The following KALRN variants were observed in gnomAD, a reference collection of about 807,000 sequenced individuals.
The protein encoded by KALRN is kalirin.
In KALRN, 70 loss-of-function variants were observed where a neutral mutation model predicts 353.7. That is an observed-to-expected ratio of 0.20 (90% CI 0.16 to 0.24). The LOEUF (loss-of-function observed/expected upper bound fraction) is 0.24. Ranked by LOEUF, KALRN falls within the 10% of genes least tolerant of loss-of-function variation. The pLI, the probability that KALRN is intolerant of heterozygous loss-of-function variation, is 1.00. For synonymous variants in KALRN, 1,391 were observed against 1,434.8 expected, an observed-to-expected ratio of 0.97 and a Z score of 0.69; for missense variants, 2,791 against 3,756.7, an observed-to-expected ratio of 0.74 and a Z score of 6.72.
chr3:124,269,209 T>C lies in KALRN; in HGVS notation c.923T>C (p.Leu308Pro). 1 of 1,607,820 alleles carries C rather than the reference T, an allele frequency of 6.2e-7. No homozygotes were observed. The highest frequency in any genetic ancestry group is 8.5e-7 in the Non-Finnish European group (1 of 1,175,324). ...ATGTGGCATGTGCGCAAGCTCAAGC[T>C]GGACCAGTGCTTTCAGCTGCGGCTC... ...HQMWHVRKLK[L>P]DQCFQLRLFE... Residue 308 changes from leucine (L) to proline (P), a missense_variant, in exon 5 of 60, where the codon CTG becomes CCG. Leu to Pro is a moderately conservative substitution (Grantham distance 98). Transcript: ENST00000682506.
intron 1 of KALRN, 66 bp from the exon 2 acceptor site, chr3:124,227,924 T>C: frequency 7.9e-7 from 1 of 1,267,060 alleles, no homozygotes; most frequent in Non-Finnish European, 1.2e-6. Context: ...AGACTGAGGA[T>C]GGGACCTTGC....
intron 26 of KALRN, among the ~76,000 whole-genome samples, chr3:124,476,021 A>G (rs768930420): frequency 7.9e-5 from 12 of 151,862 alleles, no homozygotes; most frequent in Non-Finnish European, 1.6e-4. Context: ...GATTTCCTTT[A>G]CAATCAGTCA....
chr3:124,333,765 G>A (rs543495628), intron 8 of KALRN, among the ~76,000 whole-genome samples: 7 of 152,240 alleles, frequency 4.6e-5, no homozygotes, highest in Admixed American at 4.6e-4. Context: ...GCAGGCACCT[G>A]TAATCCCAGC....
intron 3 of KALRN, among the ~76,000 whole-genome samples, chr3:124,255,213 G>C (rs974616696): frequency 5.3e-5 from 8 of 152,088 alleles, no homozygotes; most frequent in Non-Finnish European, 8.8e-5. Context: ...CCAAGTGCTG[G>C]GATTACAGGC....
intron 33 of KALRN, among the ~76,000 whole-genome samples, chr3:124,513,129 T>C (rs1178053510): frequency 1.3e-5 from 2 of 151,952 alleles, no homozygotes; most frequent in African/African-American, 4.8e-5. Flanking sequence ...TGTTTGGTTG[T>C]GAAGGTCAGG....
chr3:124,536,196 CTTTTTTT>C (rs34435871), intron 33 of KALRN, among the ~76,000 whole-genome samples: 1 of 99,124 alleles, frequency 1.0e-5, no homozygotes, highest in African/African-American at 4.3e-5. Context: ...CATCCATACT[CTTTTTTT>C]TTTTTTTTTT....
chr3:124,067,513 C>T (rs1295993078), intron 1 of KALRN, among the ~76,000 whole-genome samples: 1 of 152,032 alleles, frequency 6.6e-6, no homozygotes, highest in East Asian at 1.9e-4. Context: ...CAAAACCACC[C>T]CCAACAAACA....
At chr3:124,193,270 TCCTCAG>T (rs2075116692) in intron 1 of KALRN, among the ~76,000 whole-genome samples, 1 of 152,086 alleles carries the variant, frequency 6.6e-6, no homozygotes, top group African/African-American at 2.4e-5. Flanking sequence ...GGAGTATCCT[TCCTCAG>T]CCTCTCTCAC....
rs562026722 is a variant in KALRN, at chr3:124,591,932, A to C, written c.5182+28843A>C. 2.0e-5 allele frequency among the ~76,000 whole-genome samples: 3 copies of C among 152,328 alleles called. No individual in the cohort carries two copies. In the South Asian group the frequency reaches 6.2e-4, roughly 32 times the overall value. On this transcript the variant is annotated intron_variant, in intron 34 of 59. Coordinates refer to ENST00000682506, the MANE Select transcript of KALRN (RefSeq NM_001388419.1). ...AATTTCCTTTTTAAAAAACTTAATT[A>C]GACCAATAAAAAACCACATAACACT...
intron 34 of KALRN, among the ~76,000 whole-genome samples, chr3:124,624,683 C>A (rs2079727674): frequency 7.4e-6 from 1 of 135,634 alleles, no homozygotes; most frequent in East Asian, 2.4e-4. Context: ...CTGAGGGATA[C>A]CCCTGTAGAT....
chr3:124,255,441 C>G (rs570414809), intron 3 of KALRN, among the ~76,000 whole-genome samples: 2 of 152,258 alleles, frequency 1.3e-5, no homozygotes, highest in Non-Finnish European at 2.9e-5. Flanking sequence ...TTATATATAC[C>G]TGGTGCCTGG....
At position 124,326,165 on chromosome 3, in the gene KALRN, T is replaced by A; in HGVS notation, c.1278T>A (p.Ala426=). The A allele has an allele frequency of 6.2e-7, 1 of 1,610,846 alleles. No homozygotes were observed. The highest frequency in any genetic ancestry group is 8.5e-7 in the Non-Finnish European group (1 of 1,178,296). ...LAMSAVFHQK[A]EQFLSGVDAW... ...TGTCTGCTGTGTTCCACCAGAAGGC[T>A]GAGCAGGTAAGGTGCAGAAACCTGC... Residue 426 remains alanine (A), a synonymous_variant, in exon 7 of 60, where the codon GCT becomes GCA. Coordinates refer to ENST00000682506, the MANE Select transcript of KALRN (RefSeq NM_001388419.1).
At chr3:124,221,286 C>T (rs2077878612) in intron 1 of KALRN, among the ~76,000 whole-genome samples, 1 of 152,226 alleles carries the variant, frequency 6.6e-6, no homozygotes, top group Admixed American at 6.5e-5. Flanking sequence ...TGAAGATCAT[C>T]TTCTCTGTGG....
intron 34 of KALRN, among the ~76,000 whole-genome samples, chr3:124,623,091 C>T (rs1436071473): frequency 6.6e-6 from 1 of 151,368 alleles, no homozygotes; most frequent in Non-Finnish European, 1.5e-5. Context: ...CTTTCTTTGT[C>T]TCTCTCTTTT....
intron 5 of KALRN, among the ~76,000 whole-genome samples, chr3:124,281,383 G>A (rs1431689858): frequency 2.6e-5 from 4 of 152,200 alleles, no homozygotes; most frequent in African/African-American, 7.2e-5. Context: ...CTGGGGAGGT[G>A]ACCTTGTCAT....
chr3:124,207,880 G>C (rs1205781881), intron 1 of KALRN, among the ~76,000 whole-genome samples: 1 of 152,228 alleles, frequency 6.6e-6, no homozygotes, highest in Non-Finnish European at 1.5e-5. Flanking sequence ...CAGGCCTTGG[G>C]AAGGCAGGAG....
chr3:124,627,703 T>C (rs1449347511), intron 34 of KALRN, among the ~76,000 whole-genome samples: 1 of 152,240 alleles, frequency 6.6e-6, no homozygotes, highest in Non-Finnish European at 1.5e-5. Context: ...GAGGCCCTGC[T>C]TCTATTACCA....
At chr3:124,623,675 G>T (rs2149716650) in intron 34 of KALRN, among the ~76,000 whole-genome samples, 1 of 152,296 alleles carries the variant, frequency 6.6e-6, no homozygotes, top group Admixed American at 6.5e-5. Flanking sequence ...TGCCCACCCA[G>T]AGTAAGGGTG....
intron 57 of KALRN, among the ~76,000 whole-genome samples, chr3:124,709,012 G>A (rs2062768974): frequency 6.6e-6 from 1 of 152,040 alleles, no homozygotes; most frequent in Non-Finnish European, 1.5e-5. Context: ...TGGCCACCAA[G>A]AATTCTAAAT....
Sources: allele counts gnomAD v4.1 joint callset (sites outside exome capture counted in the v4.1 genomes callset), GRCh38; gene constraint gnomAD v4.1.1; transcripts MANE v1.5; gene names NCBI Gene and HGNC (gene_info 2026-07-23, HGNC 2026-07-21).